FRAS1: variants seen among roughly 807,000 people sequenced by gnomAD.
FRAS1 encodes extracellular matrix organizing protein FRAS1.
A neutral mutation model predicts 435.2 loss-of-function variants in FRAS1; 290 were observed. That is an observed-to-expected ratio of 0.67 (90% confidence interval 0.61 to 0.73). FRAS1 has a LOEUF of 0.73. Among genes scored for constraint, FRAS1 ranks in the 30% least tolerant of loss-of-function variants. The pLI is 0.00. For synonymous variants in FRAS1, 1,800 were observed against 1,851.0 expected (o/e 0.97, Z 0.71); for missense variants, 4,860 against 5,001.5 (o/e 0.97, Z 0.85).
chr4:78,514,642 A>C (rs1442687343), intron 65 of FRAS1, among the ~76,000 whole-genome samples: 1 of 152,232 alleles, frequency 6.6e-6, no homozygotes, highest in Non-Finnish European at 1.5e-5. Context: ...CCTGCTTAAA[A>C]GCAATTAAAT....
intron 18 of FRAS1, among the ~76,000 whole-genome samples, chr4:78,322,162 T>C (rs143681582): frequency 9.2e-4 from 140 of 152,332 alleles, no homozygotes; most frequent in African/African-American, 3.0e-3. Context: ...GAGTGTTATG[T>C]GTGCTGATTG....
chr4:78,335,183 C>G (rs1428294970), intron 19 of FRAS1, among the ~76,000 whole-genome samples: 1 of 152,112 alleles, frequency 6.6e-6, no homozygotes, highest in African/African-American at 2.4e-5. Flanking sequence ...CCTAATAAAC[C>G]ACCCTAAATT....
At chr4:78,486,085 C>A (rs1720159587) in intron 58 of FRAS1, among the ~76,000 whole-genome samples, 2 of 152,172 alleles carry the variant, frequency 1.3e-5, no homozygotes, top group Admixed American at 1.3e-4. Flanking sequence ...ATTAGAAAGT[C>A]CTGTAGCTGC....
intron 62 of FRAS1, 80 bp downstream of exon 62, chr4:78,507,688 C>T (rs1720887214): frequency 7.5e-7 from 1 of 1,338,760 alleles, no homozygotes; most frequent in Non-Finnish European, 1.0e-6. Context: ...TACTCTATTT[C>T]TTTATTCTTC....
intron 6 of FRAS1, among the ~76,000 whole-genome samples, chr4:78,255,973 T>G (rs1177167878): frequency 6.6e-6 from 1 of 152,150 alleles, no homozygotes; most frequent in Admixed American, 6.5e-5. Context: ...TATATTATAG[T>G]TTTTTACTCT....
At chr4:78,444,022 G>A (rs1578328120) in intron 41 of FRAS1, 1 of 345,198 alleles carries the variant, frequency 2.9e-6, no homozygotes, top group African/African-American at 2.2e-5. Flanking sequence ...CAAATTTTTG[G>A]TGGGGTAATT....
chr4:78,483,799 A>ATACATATATATATATAT (rs1560753038), intron 58 of FRAS1, among the ~76,000 whole-genome samples: 1 of 67,464 alleles, frequency 1.5e-5, no homozygotes, highest in Non-Finnish European at 3.5e-5. Flanking sequence ...TATATATATA[A>ATACATATATATATATAT]AATTATGTAT....
chr4:78,369,760 A>G (rs779372370), intron 22 of FRAS1, 78 bp from the exon 23 acceptor site: 2 of 1,324,756 alleles, frequency 1.5e-6, no homozygotes, highest in South Asian at 1.7e-5. Context: ...TTCCTATGCA[A>G]CATCTGTCTA....
intron 9 of FRAS1, among the ~76,000 whole-genome samples, chr4:78,272,587 GT>G (rs1348418763): frequency 1.3e-5 from 2 of 152,118 alleles, no homozygotes; most frequent in Non-Finnish European, 2.9e-5. Flanking sequence ...CCCGTTTCTT[GT>G]TTTTGTCACG....
chr4:78,450,147 C>G lies in FRAS1; in HGVS notation c.6275-4C>G. The G allele has an allele frequency of 6.2e-7, 1 of 1,611,384 alleles. No individual in the cohort carries two copies. The highest frequency in any genetic ancestry group is 8.5e-7 in the Non-Finnish European group (1 of 1,178,280). On this transcript the variant is annotated splice_polypyrimidine_tract_variant and splice_region_variant and intron_variant, in intron 44 of 73. Transcript: ENST00000512123. ...TAACCTACTCTCTTCCGTTCTCTTC[C>G]AAGGGTCTGTAGCACGCATCACAGA...
At chr4:78,333,985 A>T (rs890432946) in intron 19 of FRAS1, among the ~76,000 whole-genome samples, 4 of 152,062 alleles carry the variant, frequency 2.6e-5, no homozygotes, top group African/African-American at 4.8e-5. Context: ...TTATTGTGGA[A>T]AAAGTGTTGC....
chr4:78,085,045 A>G (rs1208540544), intron 2 of FRAS1, among the ~76,000 whole-genome samples: 2 of 152,134 alleles, frequency 1.3e-5, no homozygotes, highest in East Asian at 3.8e-4. Flanking sequence ...AATAAGACTG[A>G]TATTGAATCT....
intron 2 of FRAS1, among the ~76,000 whole-genome samples, chr4:78,195,655 C>G (rs752059562): frequency 2.2e-4 from 34 of 152,274 alleles, no homozygotes; most frequent in Admixed American, 5.9e-4. Flanking sequence ...ACCCGATTTT[C>G]CAGGTGCTGT....
At chr4:78,312,036 A>G (rs1224291069) in intron 15 of FRAS1, among the ~76,000 whole-genome samples, 1 of 151,924 alleles carries the variant, frequency 6.6e-6, no homozygotes, top group Non-Finnish European at 1.5e-5. Flanking sequence ...GTTAAACAAT[A>G]ATCTTTGATT....
intron 68 of FRAS1, 125 bp from the exon 69 acceptor site, chr4:78,522,523 TA>T: frequency 1.2e-6 from 1 of 826,430 alleles, no homozygotes; most frequent in Non-Finnish European, 1.9e-6. Flanking sequence ...CAAAATGGGC[TA>T]AGCTTAGTTG....
intron 51 of FRAS1, among the ~76,000 whole-genome samples, chr4:78,470,765 G>A (rs1018910298): frequency 6.6e-6 from 1 of 152,288 alleles, no homozygotes; most frequent in Admixed American, 6.5e-5. Context: ...GTAATCCTCA[G>A]AGAAGCCTAG....
Position 78,400,882 on chromosome 4 carries a change from A to G in FRAS1, c.4124A>G (p.Gln1375Arg). ...TACAAGATTACACAAGACTACCCCC[A>G]GTTTGGTAACTATTTTTTCCTTTGG... ...IIYKITQDYP[Q>R]FGEVVLLVNM... The change falls in exon 30 of 74, where the codon CAG becomes CGG. Residue 1375 changes from glutamine to arginine, a missense_variant. By Grantham distance (43) the Gln-to-Arg change is conservative. Transcript: ENST00000512123. The G allele has an allele frequency of 6.2e-7, 1 of 1,613,438 alleles. No individual in the cohort carries two copies. Among genetic ancestry groups the G allele is most frequent in the Non-Finnish European group, 8.5e-7 (1 of 1,179,670 alleles).
At chr4:78,122,982 T>G (rs140472125) in intron 2 of FRAS1, among the ~76,000 whole-genome samples, 40,528 of 151,720 alleles carry the variant, frequency 0.27, 5,679 homozygotes, top group Admixed American at 0.32. Flanking sequence ...TTAGTTTAAT[T>G]AGATCCCATT....
intron 2 of FRAS1, among the ~76,000 whole-genome samples, chr4:78,079,857 T>G (rs946362556): frequency 1.3e-5 from 2 of 152,034 alleles, no homozygotes; most frequent in Non-Finnish European, 2.9e-5. Context: ...CACAGCCAAG[T>G]GGAGGAGGGC....
Sources: allele counts gnomAD v4.1 joint callset (sites outside exome capture counted in the v4.1 genomes callset), GRCh38; gene constraint gnomAD v4.1.1; transcripts MANE v1.5; gene names NCBI Gene and HGNC (gene_info 2026-07-23, HGNC 2026-07-21).